ITPK1: variants seen among roughly 807,000 people sequenced by gnomAD.
ITPK1 encodes the protein inositol-tetrakisphosphate 1-kinase.
ITPK1 carries 21 observed loss-of-function variants against 45.3 expected under a neutral mutation model. The ratio of observed to expected loss-of-function variants is 0.46; its 90% CI spans 0.33 to 0.67. ITPK1 has a LOEUF of 0.67. ITPK1 is among the 30% of genes least tolerant of loss of function. ITPK1 has a pLI of 0.02. For missense variants in ITPK1, 474 were observed against 573.5 expected, an observed-to-expected ratio of 0.83 and a Z score of 1.77; for synonymous variants, 258 against 253.6, an observed-to-expected ratio of 1.02 and a Z score of -0.16.
chr14:93,007,985 C>A (rs1421217123), intron 4 of ITPK1, among the ~76,000 whole-genome samples: 2 of 152,246 alleles, frequency 1.3e-5, no homozygotes, highest in Middle Eastern at 3.2e-3. Flanking sequence ...CAGGAGGCCA[C>A]CAGGCCCAGG....
At chr14:93,097,963 T>C (rs569094683) in intron 2 of ITPK1, among the ~76,000 whole-genome samples, 2 of 152,002 alleles carry the variant, frequency 1.3e-5, no homozygotes, top group East Asian at 3.9e-4. Flanking sequence ...GAGCCAAGAT[T>C]GCCGCCAATG....
rs1285349604 is a variant in ITPK1, at chr14:93,063,074, C to T, written c.120+13521G>A. On this transcript the variant is annotated intron_variant, in intron 3 of 10. Transcript: ENST00000267615. This position sits in a 1 kb window ranked among gnomAD's most constrained non-coding sequence, Gnocchi z 4.3. The stretch of plus-strand genomic sequence containing the variant: ...TGCGCCCCCACCCCACCCCCATCTC[C>T]CATCTCTCTCCCACGCCAGACCCTT... 1.3e-5 allele frequency among the ~76,000 whole-genome samples: 2 copies of T among 152,194 alleles called. No individual in the cohort carries two copies. The highest frequency in any genetic ancestry group is 1.3e-4 in the Admixed American group (2 of 15,286).
At chr14:93,015,492 A>G (rs911457967) in intron 4 of ITPK1, among the ~76,000 whole-genome samples, 1 of 152,216 alleles carries the variant, frequency 6.6e-6, no homozygotes, top group Admixed American at 6.5e-5. Flanking sequence ...CATTTTACAA[A>G]TAAGGAAACT....
intron 2 of ITPK1, among the ~76,000 whole-genome samples, chr14:93,089,938 G>C (rs1176759293): frequency 6.6e-6 from 1 of 152,198 alleles, no homozygotes; most frequent in Non-Finnish European, 1.5e-5. Context: ...GAAGGATGCA[G>C]AATTCCAGAA....
intron 4 of ITPK1, among the ~76,000 whole-genome samples, chr14:93,005,876 C>T (rs1887585285): frequency 6.6e-6 from 1 of 152,186 alleles, no homozygotes; most frequent in African/African-American, 2.4e-5. Context: ...GGCCGTTTAA[C>T]ATGCAGCAGT....
chr14:93,017,912 G>C lies in ITPK1; in HGVS notation c.121-1111C>G, dbSNP rs1888266574. On this transcript the variant is annotated intron_variant, in intron 3 of 10. Transcript: ENST00000267615. ...CACTATGAGAAGTGATTTTACGAAT[G>C]AGAAAAGTGGAGGACGGAGACTTTT... Among the ~76,000 whole-genome samples the C allele has an allele frequency of 2.0e-5, 3 of 152,248 alleles. No homozygotes were observed. In the South Asian group the frequency reaches 6.2e-4, roughly 31 times the overall value.
intron 5 of ITPK1, among the ~76,000 whole-genome samples, chr14:92,972,006 C>T (rs17128706): frequency 0.11 from 16,781 of 152,228 alleles, 1,090 homozygotes; most frequent in East Asian, 0.23. Context: ...CTCCTGGAAT[C>T]GATGTTCCTG....
At chr14:93,033,239 T>C (rs537237234) in intron 3 of ITPK1, among the ~76,000 whole-genome samples, 28 of 152,212 alleles carry the variant, frequency 1.8e-4, no homozygotes, top group Middle Eastern at 3.2e-3. Context: ...AAGGGAGGTT[T>C]CCTGGGGTGG....
At chr14:93,042,021 C>A (rs1397938775) in intron 3 of ITPK1, among the ~76,000 whole-genome samples, 1 of 152,188 alleles carries the variant, frequency 6.6e-6, no homozygotes, top group African/African-American at 2.4e-5. Flanking sequence ...ACAGCAGTGA[C>A]CGCCTACCAC....
At chr14:93,003,734 TCAGATAATCTTTTG>T (rs1342982897) in intron 4 of ITPK1, among the ~76,000 whole-genome samples, 1 of 152,168 alleles carries the variant, frequency 6.6e-6, no homozygotes, top group East Asian at 1.9e-4. Context: ...CCCATCACTG[TCAGATAATCTTTTG>T]CAGCCCAGCT....
chr14:93,030,629 A>T (rs1419810276), intron 3 of ITPK1, among the ~76,000 whole-genome samples: 1 of 152,196 alleles, frequency 6.6e-6, no homozygotes, highest in African/African-American at 2.4e-5. Context: ...TGGAGGCACC[A>T]CCGAGGGCTG....
chr14:93,008,443 ATAGT>A (rs1887727865), intron 4 of ITPK1, among the ~76,000 whole-genome samples: 3 of 152,264 alleles, frequency 2.0e-5, no homozygotes, highest in African/African-American at 4.8e-5. Context: ...AATGAACATA[ATAGT>A]TACTGATGAA....
intron 8 of ITPK1, among the ~76,000 whole-genome samples, chr14:92,957,329 T>A (rs1476385028): frequency 1.3e-5 from 2 of 152,250 alleles, no homozygotes; most frequent in Non-Finnish European, 2.9e-5. Context: ...CCTGGAAAGC[T>A]ACTTATCCCA....
intron 3 of ITPK1, among the ~76,000 whole-genome samples, chr14:93,038,272 T>A (rs1180891520): frequency 6.6e-6 from 1 of 152,180 alleles, no homozygotes; most frequent in African/African-American, 2.4e-5. Context: ...TGACCTCACG[T>A]GATCTGCCCA....
chr14:92,985,658 G>A (rs908290750), intron 5 of ITPK1, among the ~76,000 whole-genome samples: 1 of 152,042 alleles, frequency 6.6e-6, no homozygotes, highest in Non-Finnish European at 1.5e-5. Context: ...AGAATGGACA[G>A]AGGGGAGCAA....
In ITPK1 at chr14:93,064,297, A is replaced by G. The variant is rs539098897; in HGVS notation, c.120+12298T>C. On this transcript the variant is annotated intron_variant, in intron 3 of 10. Transcript: ENST00000267615. ...GACTCCATCTCAAAAAATAAAAATT[A>G]AAATTTTCGTAGAGATGGGGTCTCA... Among the ~76,000 whole-genome samples, 16 of 152,256 alleles carry G rather than the reference A, an allele frequency of 1.1e-4. No homozygotes were observed. In the South Asian group the frequency reaches 1.7e-3, roughly 16 times the overall value.
Position 93,075,326 on chromosome 14 carries a change from C to CAAAAAAAAAAAAAAAAA in ITPK1, c.120+1252_120+1268dup, listed in dbSNP as rs58089863. On this transcript the variant is annotated intron_variant, in intron 3 of 10. Transcript: ENST00000267615. ...TCCACTCCAGAGCGAGACTCCTTCT[C>CAAAAAAAAAAAAAAAAA]AAAAAAAAAAAAAAAAAAAAAAAAA... 3.7e-5 allele frequency among the ~76,000 whole-genome samples: 2 copies of CAAAAAAAAAAAAAAAAA among 53,970 alleles called. 1 individual carries two copies. Among genetic ancestry groups the CAAAAAAAAAAAAAAAAA allele is most frequent in the Non-Finnish European group, 6.5e-5 (2 of 30,624 alleles). 35.4% of individuals were successfully genotyped at this position (53,970 alleles called of 152,430 possible).
chr14:92,960,944 G>A (rs557973012), intron 7 of ITPK1, among the ~76,000 whole-genome samples: 18 of 152,372 alleles, frequency 1.2e-4, no homozygotes, highest in African/African-American at 3.8e-4. Context: ...AACTGACAAC[G>A]GGACGGCGGG....
At chr14:93,004,531 T>C (rs960295915) in intron 4 of ITPK1, among the ~76,000 whole-genome samples, 1 of 152,040 alleles carries the variant, frequency 6.6e-6, no homozygotes, top group Non-Finnish European at 1.5e-5. Context: ...AGCACGTGTA[T>C]GTGGGAGCTT....
Sources: allele counts gnomAD v4.1 joint callset (sites outside exome capture counted in the v4.1 genomes callset), GRCh38; gene constraint gnomAD v4.1.1; non-coding constraint Gnocchi (gnomAD v3.1); transcripts MANE v1.5; gene names NCBI Gene and HGNC (gene_info 2026-07-23, HGNC 2026-07-21).